The following PDE11A variants were observed in gnomAD, a reference collection of about 807,000 sequenced individuals.
The protein encoded by PDE11A is dual 3',5'-cyclic-AMP and -GMP phosphodiesterase 11A.
A neutral mutation model predicts 100.5 loss-of-function variants in PDE11A; 100 were observed. The ratio of observed to expected loss-of-function variants is 1.00; its 90% CI spans 0.85 to 1.18. PDE11A has a LOEUF of 1.18. Ranked by LOEUF, PDE11A falls within the 50% of genes most tolerant of loss-of-function variation. The pLI is 0.00. For synonymous variants in PDE11A, 381 were observed against 420.8 expected, an observed-to-expected ratio of 0.91 and a Z score of 1.16; for missense variants, 1,141 against 1,152.6, an observed-to-expected ratio of 0.99 and a Z score of 0.15.
chr2:177,881,341 G>GTCTATCTATCTATCTATCTA (rs56769555), intron 4 of PDE11A, among the ~76,000 whole-genome samples: 7 of 147,634 alleles, frequency 4.7e-5, no homozygotes, highest in East Asian at 2.0e-4. Context: ...TCATCTATCT[G>GTCTATCTATCTATCTATCTA]TCTATCTATC....
At chr2:177,942,857 T>G (rs2085361195) in intron 2 of PDE11A, among the ~76,000 whole-genome samples, 1 of 152,182 alleles carries the variant, frequency 6.6e-6, no homozygotes, top group Admixed American at 6.5e-5. Flanking sequence ...TTTATACCCA[T>G]TAAACAACCC....
intron 4 of PDE11A, among the ~76,000 whole-genome samples, chr2:177,883,041 G>A (rs560927181): frequency 6.6e-6 from 1 of 152,182 alleles, no homozygotes; most frequent in Admixed American, 6.5e-5. Context: ...AAGTCAAGGT[G>A]GGTAGATAAC....
At chr2:177,899,022 A>G (rs1393415394) in intron 3 of PDE11A, among the ~76,000 whole-genome samples, 1 of 152,184 alleles carries the variant, frequency 6.6e-6, no homozygotes, top group South Asian at 2.1e-4. Context: ...CTGATTATTA[A>G]TATTTCAGTT....
intron 4 of PDE11A, among the ~76,000 whole-genome samples, chr2:177,893,262 C>A (rs116539163): frequency 0.038 from 5,791 of 152,172 alleles, 376 homozygotes; most frequent in African/African-American, 0.13. Context: ...TCCAGAATAA[C>A]CCTGCTATAA....
intron 19 of PDE11A, among the ~76,000 whole-genome samples, chr2:177,648,150 A>G (rs1277129545): frequency 4.6e-5 from 7 of 152,086 alleles, no homozygotes; most frequent in Non-Finnish European, 2.9e-5. Context: ...AAAAAGATAG[A>G]AAGGGAATAT....
intron 10 of PDE11A, among the ~76,000 whole-genome samples, chr2:177,738,898 G>T (rs571068916): frequency 6.6e-6 from 1 of 152,230 alleles, no homozygotes; most frequent in South Asian, 2.1e-4. Context: ...ACCAGGGTTC[G>T]TAAACTAATA....
intron 12 of PDE11A, among the ~76,000 whole-genome samples, chr2:177,715,371 G>C (rs2081421375): frequency 6.6e-6 from 1 of 151,966 alleles, no homozygotes; most frequent in Admixed American, 6.5e-5. Context: ...ATATGCTTTG[G>C]GTTGGAACTT....
chr2:177,649,027 ATACT>A (rs1056823440), intron 19 of PDE11A, among the ~76,000 whole-genome samples: 5 of 152,196 alleles, frequency 3.3e-5, no homozygotes, highest in South Asian at 2.1e-4. Flanking sequence ...AAATATGATC[ATACT>A]TATTTATAAT....
chr2:177,788,245 C>A (rs937994681), intron 9 of PDE11A, among the ~76,000 whole-genome samples: 1 of 149,460 alleles, frequency 6.7e-6, no homozygotes, highest in Non-Finnish European at 1.5e-5. Context: ...CACTCAAAAC[C>A]GCTCAACTAC....
At chr2:177,853,662 ATATATATATATATATATATG>A (rs1376459054) in intron 5 of PDE11A, among the ~76,000 whole-genome samples, 1 of 31,278 alleles carries the variant, frequency 3.2e-5, no homozygotes, top group African/African-American at 1.0e-4. Flanking sequence ...ATATATATAT[ATATATATATATATATATATG>A]TGTGTGTGTG....
upstream of PDE11A, among the ~76,000 whole-genome samples, chr2:178,074,472 C>T (rs1160357113): frequency 6.6e-5 from 10 of 152,136 alleles, no homozygotes; most frequent in Admixed American, 6.5e-4. Flanking sequence ...ACAAGAAAAG[C>T]ACTGAGTAGA....
At chr2:178,084,872 CT>C (rs1247294319) in intron 2 of PDE11A, among the ~76,000 whole-genome samples, 3 of 152,060 alleles carry the variant, frequency 2.0e-5, no homozygotes, top group Non-Finnish European at 4.4e-5. Flanking sequence ...TGACATTGGC[CT>C]TGCCTACTTA....
At chr2:177,993,212 G>A (rs1190582430) in intron 2 of PDE11A, among the ~76,000 whole-genome samples, 1 of 152,168 alleles carries the variant, frequency 6.6e-6, no homozygotes, top group African/African-American at 2.4e-5. Context: ...TAGAGAGTAG[G>A]GCTAGGGGAC....
chr2:177,952,911 C>T (rs986746392), intron 2 of PDE11A, among the ~76,000 whole-genome samples: 3 of 152,174 alleles, frequency 2.0e-5, no homozygotes, highest in Non-Finnish European at 4.4e-5. Flanking sequence ...GAACCTGAGA[C>T]ATTTTAGACA....
intron 19 of PDE11A, among the ~76,000 whole-genome samples, chr2:177,650,480 T>C (rs996583886): frequency 5.3e-5 from 8 of 152,236 alleles, no homozygotes; most frequent in African/African-American, 1.7e-4. Flanking sequence ...CTGTCTTTTC[T>C]ACCTTGTTTG....
At position 177,624,752 on chromosome 2, in the gene PDE11A, T is replaced by C. The variant is rs111311494; in HGVS notation, c.*4655A>G. 6.6e-6 allele frequency: 1 copy of C among 152,238 alleles called. No individual in the cohort carries two copies. The highest frequency in any genetic ancestry group is 2.4e-5 in the African/African-American group (1 of 41,462). 9.4% of individuals were successfully genotyped at this position (152,238 alleles called of 1,614,324 possible). A position where few individuals can be genotyped will look rare whatever the true frequency, so the allele number is the denominator to read the frequency against. On this transcript the variant is annotated 3_prime_UTR_variant, in exon 20 of 20. Coordinates refer to ENST00000286063, the MANE Select transcript of PDE11A (RefSeq NM_016953.4). The stretch of plus-strand genomic sequence containing the variant: ...ATGGGATATGTGTGATATCAGATAA[T>C]CTAAAATTGTTTTTTATGAAATAAA...
At chr2:177,780,406 G>A (rs1269324183) in intron 9 of PDE11A, among the ~76,000 whole-genome samples, 1 of 152,022 alleles carries the variant, frequency 6.6e-6, no homozygotes, top group Non-Finnish European at 1.5e-5. Flanking sequence ...TAATTCTTAA[G>A]GGCCCGAGGA....
intron 1 of PDE11A, among the ~76,000 whole-genome samples, chr2:178,056,474 C>A (rs1172431517): frequency 6.6e-6 from 1 of 152,122 alleles, no homozygotes; most frequent in Non-Finnish European, 1.5e-5. Context: ...ATATTGCATA[C>A]CAAGTGTTTA....
At chr2:178,064,860 G>C (rs1468835979) in intron 1 of PDE11A, among the ~76,000 whole-genome samples, 1 of 150,862 alleles carries the variant, frequency 6.6e-6, no homozygotes, top group Non-Finnish European at 1.5e-5. Flanking sequence ...TTTTCTTCAG[G>C]AAAAAAAGAT....
Sources: allele counts gnomAD v4.1 joint callset (sites outside exome capture counted in the v4.1 genomes callset), GRCh38; gene constraint gnomAD v4.1.1; transcripts MANE v1.5; gene names NCBI Gene and HGNC (gene_info 2026-07-23, HGNC 2026-07-21).